TRAPPC12: variants seen among roughly 807,000 people sequenced by gnomAD.
The protein encoded by TRAPPC12 is TPR repeat protein 15.
In TRAPPC12, 61 loss-of-function variants were observed where a neutral mutation model predicts 69.2. The observed-to-expected ratio is 0.88, with a 90% CI of 0.72 to 1.09. TRAPPC12 has a LOEUF of 1.09. Among genes scored for constraint, TRAPPC12 ranks in the 50% least tolerant of loss-of-function variants. TRAPPC12 has a pLI of 0.00. For missense variants in TRAPPC12, 1,101 were observed against 1,016.4 expected (o/e 1.08, Z -1.13); for synonymous variants, 469 against 438.9 (o/e 1.07, Z -0.86).
rs1663114480 is a variant in TRAPPC12, at chr2:3,426,608, A to G, written c.1417+1945A>G. ...GGGCCCTCACTGGTGTTGCTGGCCAAGCAGGCCTTCTGTCCCCAGGAGTCT... is the reference window on the plus strand; with the variant it reads ...GGGCCCTCACTGGTGTTGCTGGCCAGGCAGGCCTTCTGTCCCCAGGAGTCT... On this transcript the variant is annotated intron_variant, in intron 5 of 11. Transcript: ENST00000324266. Among the ~76,000 whole-genome samples, 4 of 152,248 alleles carry G rather than the reference A, an allele frequency of 2.6e-5. No individual in the cohort carries two copies. In the South Asian group the frequency reaches 8.3e-4, roughly 31 times the overall value.
chr2:3,444,284 T>C (rs950545445), intron 6 of TRAPPC12, among the ~76,000 whole-genome samples: 1 of 152,236 alleles, frequency 6.6e-6, no homozygotes, highest in African/African-American at 2.4e-5. Context: ...CTGAAAGCAA[T>C]CATGGTTTAA....
rs575519503 is a variant in TRAPPC12, at chr2:3,478,490, C to A, written c.1878-356C>A. 8.9e-4 allele frequency among the ~76,000 whole-genome samples: 136 copies of A among 152,256 alleles called. 1 individual carries two copies. The highest frequency in any genetic ancestry group is 1.5e-3 in the Non-Finnish European group (105 of 68,030). ...TCTACTAAAAATACAAAAAATTAGC[C>A]AGGCGTGGTGGCAGTCGCCTGTAAT... On this transcript the variant is annotated intron_variant, in intron 10 of 11. Coordinates refer to ENST00000324266, the MANE Select transcript of TRAPPC12 (RefSeq NM_016030.6).
At chr2:3,478,436 C>T (rs891966803) in intron 10 of TRAPPC12, among the ~76,000 whole-genome samples, 1 of 152,286 alleles carries the variant, frequency 6.6e-6, no homozygotes, top group African/African-American at 2.4e-5. Context: ...AGTTTGAGGC[C>T]AGCCTGGCCA....
intron 2 of TRAPPC12, among the ~76,000 whole-genome samples, chr2:3,396,028 C>G (rs886885294): frequency 1.3e-5 from 2 of 152,140 alleles, no homozygotes; most frequent in Non-Finnish European, 2.9e-5. Flanking sequence ...CCACGCCTGG[C>G]TAGTTCTTGT....
intron 5 of TRAPPC12, among the ~76,000 whole-genome samples, chr2:3,427,517 CT>C (rs1257417180): frequency 3.3e-5 from 5 of 152,244 alleles, no homozygotes; most frequent in African/African-American, 4.8e-5. Context: ...CTTACAACAC[CT>C]GCTTCTGAAT....
chr2:3,433,056 G>A (rs1663530887), intron 5 of TRAPPC12, among the ~76,000 whole-genome samples: 1 of 152,138 alleles, frequency 6.6e-6, no homozygotes, highest in African/African-American at 2.4e-5. Context: ...GTTTTGTTTT[G>A]TTTTTAATTT....
intron 1 of TRAPPC12, among the ~76,000 whole-genome samples, chr2:3,387,090 C>T (rs1195820729): frequency 6.6e-6 from 1 of 152,212 alleles, no homozygotes; most frequent in Admixed American, 6.5e-5. Context: ...ACGTTCATTG[C>T]AGCAGCATCC....
At chr2:3,458,937 C>G (rs899692016) in intron 7 of TRAPPC12, among the ~76,000 whole-genome samples, 1 of 152,210 alleles carries the variant, frequency 6.6e-6, no homozygotes, top group East Asian at 1.9e-4. Flanking sequence ...TTCAGAATTT[C>G]TTTTCACAAA....
intron 5 of TRAPPC12, among the ~76,000 whole-genome samples, chr2:3,435,304 G>A (rs570631761): frequency 2.0e-5 from 3 of 152,234 alleles, no homozygotes; most frequent in South Asian, 2.1e-4. Flanking sequence ...GTGAGCCACC[G>A]CGCCCAGCTG....
Position 3,478,841 on chromosome 2 carries a change from T to C in TRAPPC12, c.1878-5T>C. On this transcript the variant is annotated splice_polypyrimidine_tract_variant and splice_region_variant and intron_variant, in intron 10 of 11. Coordinates refer to ENST00000324266, the MANE Select transcript of TRAPPC12 (RefSeq NM_016030.6). ...CGCTAACTGCCACCGTTGCTTGTGT[T>C]ACAGCGCGTTCCTTCACCTCGGGCA... The C allele has an allele frequency of 6.2e-7, 1 of 1,614,008 alleles. No individual in the cohort carries two copies.
intron 1 of TRAPPC12, among the ~76,000 whole-genome samples, chr2:3,381,504 C>G (rs1660208200): frequency 1.3e-5 from 2 of 152,180 alleles, no homozygotes; most frequent in Admixed American, 1.3e-4. Context: ...GATTTCTTTG[C>G]TGCACTGTGA....
At chr2:3,478,779 G>T in intron 10 of TRAPPC12, 67 bp from the exon 11 acceptor site, 1 of 1,405,610 alleles carries the variant, frequency 7.1e-7, no homozygotes, top group Non-Finnish European at 1.0e-6. Flanking sequence ...AAGCCCCTGT[G>T]GGTTGTGTTG....
chr2:3,383,838 G>A (rs1235338471), intron 1 of TRAPPC12, among the ~76,000 whole-genome samples: 1 of 136,846 alleles, frequency 7.3e-6, no homozygotes, highest in African/African-American at 2.7e-5. Flanking sequence ...CCTTTGATGT[G>A]TGCTACATAT....
At chr2:3,408,582 C>T (rs1175546302) in intron 3 of TRAPPC12, among the ~76,000 whole-genome samples, 3 of 152,108 alleles carry the variant, frequency 2.0e-5, no homozygotes, top group East Asian at 3.9e-4. Flanking sequence ...AAGCCATGAT[C>T]GGGCCACAGC....
intron 2 of TRAPPC12, chr2:3,389,062 G>A: frequency 5.8e-6 from 1 of 171,784 alleles, no homozygotes; most frequent in Non-Finnish European, 1.2e-5. Context: ...ATTTTTATAG[G>A]TTGAATAAGA....
chr2:3,435,294 G>A (rs1409186723), intron 5 of TRAPPC12, among the ~76,000 whole-genome samples: 3 of 152,206 alleles, frequency 2.0e-5, no homozygotes, highest in Admixed American at 6.5e-5. Context: ...GATTACAGGC[G>A]TGAGCCACCG....
At chr2:3,395,028 C>G (rs1184462180) in intron 2 of TRAPPC12, among the ~76,000 whole-genome samples, 5 of 152,120 alleles carry the variant, frequency 3.3e-5, no homozygotes, top group African/African-American at 1.2e-4. Context: ...TTTCGTTTCT[C>G]TTGGGTAAAA....
chr2:3,473,592 G>GC (rs1666162058), intron 9 of TRAPPC12, among the ~76,000 whole-genome samples: 1 of 152,108 alleles, frequency 6.6e-6, no homozygotes, highest in African/African-American at 2.4e-5. Context: ...CAATCCTCCC[G>GC]CCTCAGCCTC....
At chr2:3,402,742 G>A (rs145514913) in intron 3 of TRAPPC12, among the ~76,000 whole-genome samples, 6 of 152,318 alleles carry the variant, frequency 3.9e-5, no homozygotes, top group Admixed American at 2.0e-4. Context: ...GAAGTTTGTC[G>A]CGTATGTTTC....
Sources: gnomAD v4.1 joint callset for allele counts (sites outside exome capture counted in the v4.1 genomes callset) on GRCh38, gnomAD v4.1.1 for gene constraint, MANE v1.5 for transcripts, NCBI Gene and HGNC (gene_info 2026-07-23, HGNC 2026-07-21) for gene names.